The following NXPE2 variants were observed in gnomAD, a reference collection of about 807,000 sequenced individuals.
NXPE2 encodes NXPE family member 2.
In NXPE2, 34 loss-of-function variants were observed where a neutral mutation model predicts 34.4. The observed-to-expected ratio is 0.99, with a 90% CI of 0.75 to 1.31. The LOEUF (loss-of-function observed/expected upper bound fraction) is 1.31. NXPE2 is among the 40% of genes most tolerant of loss of function. NXPE2 has a pLI of 0.00. For synonymous variants in NXPE2, 235 were observed against 231.3 expected (o/e 1.02, Z -0.15); for missense variants, 649 against 672.5 (o/e 0.97, Z 0.39).
At chr11:114,622,698 C>G in the NXPE2 span, among the ~76,000 whole-genome samples, 1 of 151,204 alleles carries the variant, frequency 6.6e-6, no homozygotes, top group Non-Finnish European at 1.5e-5. Context: ...TGGTTAACCC[C>G]TTTTCCCGGT....
At chr11:114,639,583 T>C in the NXPE2 span, among the ~76,000 whole-genome samples, 4 of 150,664 alleles carry the variant, frequency 2.7e-5, no homozygotes, top group African/African-American at 9.7e-5. Context: ...AGCTGTAGAC[T>C]GGAGCTGTTC....
chr11:114,604,223 G>C, the NXPE2 span, among the ~76,000 whole-genome samples: 2 of 152,058 alleles, frequency 1.3e-5, no homozygotes, highest in African/African-American at 4.8e-5. Context: ...GGTAACCACT[G>C]TTACCCGGTT....
the NXPE2 span, among the ~76,000 whole-genome samples, chr11:114,812,270 T>C: frequency 6.6e-6 from 1 of 152,306 alleles, no homozygotes; most frequent in East Asian, 1.9e-4. Flanking sequence ...GACAGTAGCT[T>C]AGCCATCTTT....
chr11:114,538,729 A>G, the NXPE2 span, among the ~76,000 whole-genome samples: 145 of 152,256 alleles, frequency 9.5e-4, no homozygotes, highest in Non-Finnish European at 1.4e-3. Flanking sequence ...CAAAACCACA[A>G]TGAGATACCA....
chr11:114,505,180 G>GA, the NXPE2 span, among the ~76,000 whole-genome samples: 2,493 of 150,448 alleles, frequency 0.017, 48 homozygotes, highest in African/African-American at 0.054. Context: ...AGAATAGAGA[G>GA]AAAAAAAAAG....
At chr11:114,739,367 CCTCCCTCA>C in the NXPE2 span, among the ~76,000 whole-genome samples, 28,848 of 101,392 alleles carry the variant, frequency 0.28, 6,076 homozygotes, top group East Asian at 0.44. Flanking sequence ...TCCCTCCCTC[CCTCCCTCA>C]CTCACTCCTT....
the NXPE2 span, among the ~76,000 whole-genome samples, chr11:114,501,586 G>A: frequency 2.0e-5 from 3 of 152,154 alleles, no homozygotes; most frequent in Non-Finnish European, 4.4e-5. Context: ...CTGTTCTGCT[G>A]TTCAAATATA....
At chr11:114,508,663 A>G in the NXPE2 span, among the ~76,000 whole-genome samples, 1 of 152,230 alleles carries the variant, frequency 6.6e-6, no homozygotes, top group African/African-American at 2.4e-5. Context: ...TATTCAATAA[A>G]TGGTGCTGGG....
At chr11:114,508,481 G>T in the NXPE2 span, among the ~76,000 whole-genome samples, 9 of 152,164 alleles carry the variant, frequency 5.9e-5, no homozygotes, top group Non-Finnish European at 1.0e-4. Flanking sequence ...CATGCTACCT[G>T]ACTGCAAACT....
At chr11:114,762,036 G>A in the NXPE2 span, among the ~76,000 whole-genome samples, 1 of 152,216 alleles carries the variant, frequency 6.6e-6, no homozygotes, top group African/African-American at 2.4e-5. Flanking sequence ...AAACTCAGAA[G>A]TAAATGGACA....
At chr11:114,513,314 TG>T in the NXPE2 span, 1 of 451,680 alleles carries the variant, frequency 2.2e-6, no homozygotes, top group Admixed American at 2.6e-5. Flanking sequence ...TGGGATCAGC[TG>T]GTCTAGTTTC....
the NXPE2 span, among the ~76,000 whole-genome samples, chr11:114,562,593 T>C: frequency 6.4e-4 from 97 of 152,356 alleles, no homozygotes; most frequent in African/African-American, 2.3e-3. Flanking sequence ...TTTCCTAGAC[T>C]CTGTAACAAC....
chr11:114,695,886 G>A (rs1028412896), intron 2 of NXPE2, among the ~76,000 whole-genome samples: 1 of 139,878 alleles, frequency 7.1e-6, no homozygotes, highest in African/African-American at 2.7e-5. Context: ...GGTGTGGTGG[G>A]GCGCACCTGT....
chr11:114,519,266 C>T, the NXPE2 span, among the ~76,000 whole-genome samples: 129 of 152,272 alleles, frequency 8.5e-4, no homozygotes, highest in African/African-American at 2.9e-3. Context: ...CCACTGAATT[C>T]GTATTAATAA....
At chr11:114,475,116 C>T in the NXPE2 span, among the ~76,000 whole-genome samples, 1 of 151,228 alleles carries the variant, frequency 6.6e-6, no homozygotes, top group Non-Finnish European at 1.5e-5. Flanking sequence ...CATCATACAG[C>T]TTACTGTATG....
At chr11:114,522,522 G>A in the NXPE2 span, 1 of 1,541,426 alleles carries the variant, frequency 6.5e-7, no homozygotes, top group Middle Eastern at 1.7e-4. Flanking sequence ...AAAACAAATA[G>A]ATGTTTTAAA....
chr11:114,552,864 AG>A, the NXPE2 span: 1 of 977,546 alleles, frequency 1.0e-6, no homozygotes, highest in African/African-American at 1.8e-5. Flanking sequence ...AATAGGTGTC[AG>A]GTAGCACAGA....
At chr11:114,785,644 T>A in the NXPE2 span, among the ~76,000 whole-genome samples, 12 of 152,272 alleles carry the variant, frequency 7.9e-5, no homozygotes, top group East Asian at 1.5e-3. Context: ...ATTCCCTCCC[T>A]CTCTGGGTAT....
the NXPE2 span, among the ~76,000 whole-genome samples, chr11:114,743,561 A>G: frequency 6.6e-6 from 1 of 151,904 alleles, no homozygotes; most frequent in Non-Finnish European, 1.5e-5. Flanking sequence ...CAAAACTTGC[A>G]TGTACTTTTT....
Sources: gnomAD v4.1 joint callset for allele counts (sites outside exome capture counted in the v4.1 genomes callset) on GRCh38, gnomAD v4.1.1 for gene constraint, MANE v1.5 for transcripts, NCBI Gene and HGNC (gene_info 2026-07-23, HGNC 2026-07-21) for gene names.